STRN: variants seen among roughly 807,000 people sequenced by gnomAD.
STRN encodes protein phosphatase 2 regulatory subunit B'''alpha.
A neutral mutation model predicts 96.3 loss-of-function variants in STRN; 53 were observed. The observed-to-expected ratio is 0.55, with a 90% CI of 0.44 to 0.69. STRN has a LOEUF of 0.69. STRN is among the 30% of genes least tolerant of loss of function. The pLI is 0.00. For missense variants in STRN, 987 were observed against 963.9 expected (o/e 1.02, Z -0.32); for synonymous variants, 428 against 355.9 (o/e 1.20, Z -2.28).
chr2:36,851,377 G>A (rs1308224375), intron 15 of STRN, among the ~76,000 whole-genome samples: 2 of 152,112 alleles, frequency 1.3e-5, no homozygotes, highest in African/African-American at 2.4e-5. Flanking sequence ...CAGCTACTCA[G>A]GAGGCTGAGG....
intron 7 of STRN, among the ~76,000 whole-genome samples, chr2:36,890,531 T>C (rs1470698611): frequency 6.8e-6 from 1 of 146,162 alleles, no homozygotes; most frequent in East Asian, 2.0e-4. Context: ...TCGCCCAGGC[T>C]GGAGTGCAAT....
At chr2:36,944,620 C>T (rs1670933260) in intron 1 of STRN, among the ~76,000 whole-genome samples, 1 of 152,042 alleles carries the variant, frequency 6.6e-6, no homozygotes, top group Non-Finnish European at 1.5e-5. Context: ...GTAACACTAA[C>T]CTGAAAAATT....
chr2:36,857,729 A>T, intron 14 of STRN, 127 bp downstream of exon 14: 1 of 764,732 alleles, frequency 1.3e-6, no homozygotes, highest in Non-Finnish European at 2.0e-6. Context: ...AAACAAATAC[A>T]CTTTCGTGGC....
intron 1 of STRN, among the ~76,000 whole-genome samples, chr2:36,941,964 C>T (rs896315334): frequency 6.6e-6 from 1 of 152,132 alleles, no homozygotes; most frequent in African/African-American, 2.4e-5. Flanking sequence ...ATTCGAAATA[C>T]ATATTCCCAA....
At chr2:36,890,764 G>A (rs1354435411) in intron 7 of STRN, among the ~76,000 whole-genome samples, 5 of 152,102 alleles carry the variant, frequency 3.3e-5, no homozygotes, top group African/African-American at 7.2e-5. Context: ...GATTACAGGC[G>A]TGAGCCACTG....
At chr2:36,940,615 C>G (rs1421780776) in intron 1 of STRN, among the ~76,000 whole-genome samples, 1 of 150,526 alleles carries the variant, frequency 6.6e-6, no homozygotes, top group Admixed American at 6.6e-5. Flanking sequence ...ATCACGAGGT[C>G]AGGAGATCAA....
intron 15 of STRN, among the ~76,000 whole-genome samples, chr2:36,853,999 T>C (rs1668282399): frequency 6.6e-6 from 1 of 152,206 alleles, no homozygotes; most frequent in East Asian, 1.9e-4. Flanking sequence ...AAAAGTCCTA[T>C]TAATTTAGAG....
rs575588699 is a variant in STRN, at chr2:36,940,759, C to T, written c.235-15551G>A. On this transcript the variant is annotated intron_variant, in intron 1 of 17. Coordinates refer to ENST00000263918, the MANE Select transcript of STRN (RefSeq NM_003162.4). ...GGCTGAGGCAGGAGAATGGTGTGAA[C>T]CCGCGAAGCAGAGCTTGCAGTGGGC... is the stretch of plus-strand genomic sequence containing the variant. 2.1e-3 allele frequency among the ~76,000 whole-genome samples: 320 copies of T among 151,228 alleles called. 3 individuals are homozygous for T. The highest frequency in any genetic ancestry group is 3.4e-3 in the Middle Eastern group (1 of 294).
intron 10 of STRN, among the ~76,000 whole-genome samples, chr2:36,869,955 T>G (rs536099967): frequency 6.6e-6 from 1 of 152,222 alleles, no homozygotes; most frequent in East Asian, 1.9e-4. Flanking sequence ...CAAAAACAAT[T>G]AACATAATTC....
At chr2:36,899,712 G>T (rs1669635388) in intron 5 of STRN, 54 bp from the exon 6 acceptor site, 3 of 1,480,126 alleles carry the variant, frequency 2.0e-6, no homozygotes, top group Non-Finnish European at 2.7e-6. Flanking sequence ...TTCGACATAA[G>T]AAGTAACCCA....
chr2:36,956,991 T>C (rs904923849), intron 1 of STRN, among the ~76,000 whole-genome samples: 1 of 152,188 alleles, frequency 6.6e-6, no homozygotes, highest in African/African-American at 2.4e-5. Context: ...AGGAATTATC[T>C]GGCCAAAATA....
At chr2:36,950,268 T>G (rs1238493702) in intron 1 of STRN, among the ~76,000 whole-genome samples, 1 of 139,954 alleles carries the variant, frequency 7.1e-6, no homozygotes, top group Non-Finnish European at 1.5e-5. Flanking sequence ...CAGACTGGAG[T>G]GCAGTGGCTT....
intron 7 of STRN, 33 bp downstream of exon 7, chr2:36,893,865 A>T: frequency 6.4e-7 from 1 of 1,563,238 alleles, no homozygotes; most frequent in Non-Finnish European, 8.6e-7. Context: ...TATTTACTTA[A>T]CATCTCTGGT....
At chr2:36,854,093 C>T (rs1668284898) in intron 15 of STRN, among the ~76,000 whole-genome samples, 1 of 152,134 alleles carries the variant, frequency 6.6e-6, no homozygotes, top group Non-Finnish European at 1.5e-5. Context: ...TCTTATTAAC[C>T]TGCAGTCATT....
At chr2:36,899,693 CT>C in intron 5 of STRN, 35 bp from the exon 6 acceptor site, 1 of 1,528,436 alleles carries the variant, frequency 6.5e-7, no homozygotes, top group East Asian at 2.4e-5. Flanking sequence ...CTTAGTTAAT[CT>C]TTTTAACTTC....
rs200250086 is a variant in STRN, at chr2:36,921,268, G to A, written c.338+3837C>T. Among the ~76,000 whole-genome samples, 9 of 152,140 alleles carry A rather than the reference G, an allele frequency of 5.9e-5. No homozygotes were observed. The East Asian group carries it at 1.4e-3, about 23-fold the overall frequency. On this transcript the variant is annotated intron_variant, in intron 2 of 17. Transcript: ENST00000263918. The stretch of plus-strand genomic sequence containing the variant: ...ATACAACTTACTTGGAGTCTACTTA[G>A]CATCTTCAGTTATTGAACTCCCTCC...
In STRN at chr2:36,876,433, T is replaced by C. The variant is rs111523864; in HGVS notation, c.1323+1458A>G. On this transcript the variant is annotated intron_variant, in intron 10 of 17. Transcript: ENST00000263918. ...GTAGTATACGGATTTCAACTGTCTTTGGAGGTAGAACCCAAAAGACTTACT... is the reference window on the plus strand; with the variant it reads ...GTAGTATACGGATTTCAACTGTCTTCGGAGGTAGAACCCAAAAGACTTACT... 4.2e-3 allele frequency among the ~76,000 whole-genome samples: 641 copies of C among 152,246 alleles called. 3 individuals carry two copies. Among genetic ancestry groups the C allele is most frequent in the African/African-American group, 0.015 (617 of 41,552 alleles).
chr2:36,903,302 T>A (rs1160011352), intron 4 of STRN, among the ~76,000 whole-genome samples: 1 of 152,238 alleles, frequency 6.6e-6, no homozygotes, highest in East Asian at 1.9e-4. Context: ...CACATGTGTG[T>A]GTATGTTACT....
At chr2:36,925,686 T>A (rs553638038) in intron 1 of STRN, among the ~76,000 whole-genome samples, 5 of 152,112 alleles carry the variant, frequency 3.3e-5, no homozygotes, top group Middle Eastern at 6.8e-3. Context: ...GGCAGGAGAA[T>A]TGCTTGAACC....
Sources: allele counts gnomAD v4.1 joint callset (sites outside exome capture counted in the v4.1 genomes callset), GRCh38; gene constraint gnomAD v4.1.1; transcripts MANE v1.5; gene names NCBI Gene and HGNC (gene_info 2026-07-23, HGNC 2026-07-21).